WDR49: variants seen among roughly 807,000 people sequenced by gnomAD.
WDR49 encodes the protein cilia- and flagella-associated protein 337.
WDR49 carries 107 observed loss-of-function variants against 119.5 expected under a neutral mutation model. The ratio of observed to expected loss-of-function variants is 0.90; its 90% CI spans 0.77 to 1.05. The LOEUF (loss-of-function observed/expected upper bound fraction) is 1.05, where lower values mean the gene tolerates loss of function less well. Ranked by LOEUF, WDR49 falls within the 50% of genes least tolerant of loss-of-function variation. WDR49 has a pLI of 0.00. For missense variants in WDR49, 1,240 were observed against 1,220.5 expected (o/e 1.02, Z -0.24); for synonymous variants, 425 against 418.8 (o/e 1.01, Z -0.18).
intron 8 of WDR49, among the ~76,000 whole-genome samples, chr3:167,563,165 G>C (rs1206852733): frequency 6.6e-6 from 1 of 151,910 alleles, no homozygotes; most frequent in Admixed American, 6.6e-5. Flanking sequence ...AGGAGATAGC[G>C]ACCACGGTGA....
intron 8 of WDR49, chr3:167,575,026 A>C (rs1460803437): frequency 2.0e-6 from 2 of 984,918 alleles, no homozygotes; most frequent in African/African-American, 3.5e-5. Context: ...CCCTTGCGCA[A>C]AATCTCCACT....
intron 2 of WDR49, among the ~76,000 whole-genome samples, chr3:167,645,557 A>C (rs1204828203): frequency 6.6e-6 from 1 of 152,168 alleles, no homozygotes; most frequent in Non-Finnish European, 1.5e-5. Flanking sequence ...AATCATAAAA[A>C]TAAATGAAAT....
At chr3:167,652,254 C>T (rs1409949543) in intron 2 of WDR49, among the ~76,000 whole-genome samples, 3 of 152,154 alleles carry the variant, frequency 2.0e-5, no homozygotes, top group Non-Finnish European at 4.4e-5. Context: ...ATTAATTTAT[C>T]AATACAGGTG....
At chr3:167,615,739 T>C (rs974898718) in intron 5 of WDR49, among the ~76,000 whole-genome samples, 5 of 152,226 alleles carry the variant, frequency 3.3e-5, no homozygotes, top group African/African-American at 1.2e-4. Context: ...ATAGTTCATT[T>C]TGGCATACAC....
chr3:167,597,431 C>T (rs1464227076), intron 7 of WDR49, among the ~76,000 whole-genome samples: 1 of 152,156 alleles, frequency 6.6e-6, no homozygotes, highest in East Asian at 1.9e-4. Context: ...TCCACTAAGG[C>T]AGTTCAGAGG....
chr3:167,588,528 A>C (rs75448512), intron 7 of WDR49, among the ~76,000 whole-genome samples: 1,897 of 152,198 alleles, frequency 0.012, 33 homozygotes, highest in African/African-American at 0.044. Context: ...CAGTGGTTTT[A>C]CCAATTTACA....
At chr3:167,523,406 T>C (rs1186973621) in intron 15 of WDR49, among the ~76,000 whole-genome samples, 1 of 151,116 alleles carries the variant, frequency 6.6e-6, no homozygotes, top group Non-Finnish European at 1.5e-5. Context: ...CCACCTTAAG[T>C]TCTGGGATAC....
In WDR49 at chr3:167,554,647, T is replaced by C; in HGVS notation, c.1823+3A>G. ...ATTAAAATAAAAACATTCTCCTTTT[T>C]ACCTTCCTATAGTTTTCCATGAGGC... On this transcript the variant is annotated splice_donor_region_variant and intron_variant, in intron 10 of 18. Transcript: ENST00000682715. 6.8e-7 allele frequency: 1 copy of C among 1,464,958 alleles called. No homozygotes were observed. The highest frequency in any genetic ancestry group is 1.2e-5 in the South Asian group (1 of 81,362). 90.7% of individuals were successfully genotyped at this position (1,464,958 alleles called of 1,614,324 possible).
At chr3:167,563,327 C>T (rs1713386092) in intron 8 of WDR49, among the ~76,000 whole-genome samples, 1 of 140,102 alleles carries the variant, frequency 7.1e-6, no homozygotes, top group African/African-American at 2.7e-5. Flanking sequence ...GCACTCCAGC[C>T]TGGGCTACAG....
intron 5 of WDR49, among the ~76,000 whole-genome samples, chr3:167,610,816 C>T (rs957213031): frequency 6.6e-6 from 1 of 152,204 alleles, no homozygotes; most frequent in Non-Finnish European, 1.5e-5. Context: ...TCACTCCACC[C>T]CCAGCTTTAG....
chr3:167,605,031 T>TGA (rs1560309432), intron 5 of WDR49, among the ~76,000 whole-genome samples: 1 of 151,700 alleles, frequency 6.6e-6, no homozygotes. Context: ...TGTGTGTGTG[T>TGA]GTGTGTGTGT....
In WDR49 at chr3:167,531,287, G is replaced by T. The variant is rs199692491; in HGVS notation, c.2054-8C>A. The T allele has an allele frequency of 6.2e-7, 1 of 1,610,236 alleles. No homozygotes were observed. Among genetic ancestry groups the T allele is most frequent in the Admixed American group, 1.7e-5 (1 of 59,692 alleles). ...GTTTTTGAGGTTTTGTATCTGTGAG[G>T]GAGACAAAGCCAAGTATATTAATGA... On this transcript the variant is annotated splice_polypyrimidine_tract_variant and splice_region_variant and intron_variant, in intron 12 of 18. Transcript: ENST00000682715.
intron 16 of WDR49, among the ~76,000 whole-genome samples, chr3:167,515,682 G>T (rs141446964): frequency 2.0e-5 from 3 of 152,236 alleles, no homozygotes; most frequent in African/African-American, 7.2e-5. Flanking sequence ...CAAATAGGAA[G>T]AAAGGAAGTC....
intron 18 of WDR49, among the ~76,000 whole-genome samples, chr3:167,497,520 C>CT (rs929347738): frequency 3.6e-4 from 55 of 152,132 alleles, no homozygotes; most frequent in African/African-American, 1.3e-3. Context: ...TTTGCCCACA[C>CT]TTTTTCCCTG....
At chr3:167,612,886 T>C in intron 5 of WDR49, among the ~76,000 whole-genome samples, 1 of 152,188 alleles carries the variant, frequency 6.6e-6, no homozygotes, top group South Asian at 2.1e-4. Flanking sequence ...AGTGGAATGA[T>C]AGTTACCAAA....
chr3:167,615,443 TAAAAAAA>T (rs57991972), intron 5 of WDR49, among the ~76,000 whole-genome samples: 1 of 135,100 alleles, frequency 7.4e-6, no homozygotes, highest in Non-Finnish European at 1.6e-5. Flanking sequence ...GCTCTCCATT[TAAAAAAA>T]AAAAAAAAAA....
chr3:167,609,690 G>A (rs1028036294), intron 5 of WDR49, among the ~76,000 whole-genome samples: 1 of 152,148 alleles, frequency 6.6e-6, no homozygotes, highest in Non-Finnish European at 1.5e-5. Context: ...GGGGGCACAC[G>A]ACATACTGAG....
intron 18 of WDR49, among the ~76,000 whole-genome samples, chr3:167,499,627 A>G (rs1200027780): frequency 6.6e-6 from 1 of 152,178 alleles, no homozygotes; most frequent in Non-Finnish European, 1.5e-5. Flanking sequence ...TATTTTGTAC[A>G]TCTTGTTTCT....
At chr3:167,489,100 C>G (rs1482588819) in intron 18 of WDR49, among the ~76,000 whole-genome samples, 2 of 152,070 alleles carry the variant, frequency 1.3e-5, no homozygotes. Flanking sequence ...TCATCTTTAA[C>G]TATTTATCTA....
Sources: gnomAD v4.1 joint callset for allele counts (sites outside exome capture counted in the v4.1 genomes callset) on GRCh38, gnomAD v4.1.1 for gene constraint, MANE v1.5 for transcripts, NCBI Gene and HGNC (gene_info 2026-07-23, HGNC 2026-07-21) for gene names.